UTRN: variants seen among roughly 807,000 people sequenced by gnomAD.
UTRN encodes utrophin.
In UTRN, 283 loss-of-function variants were observed where a neutral mutation model predicts 463.9. The ratio of observed to expected loss-of-function variants is 0.61; its 90% CI spans 0.55 to 0.67. The LOEUF (loss-of-function observed/expected upper bound fraction) is 0.67. UTRN is among the 30% of genes least tolerant of loss of function. UTRN has a pLI of 0.00. For missense variants in UTRN, 3,922 were observed against 4,084.3 expected (o/e 0.96, Z 1.08); for synonymous variants, 1,442 against 1,431.5 (o/e 1.01, Z -0.17).
rs773239701 is a variant in UTRN at position 144,797,831 on chromosome 6, A to C, written c.9086A>C (p.Asn3029Thr). ...TATTTCTTTTTTCACCAGAATAACA[A>C]TAAACCAGAAATAAGTGTGAAAGAG... ...SVRSCFQQNN[N>T]KPEISVKEFI... Residue 3029 changes from asparagine to threonine, a missense_variant, in exon 64 of 75, where the codon AAT (asparagine) becomes ACT (threonine). Physicochemically the swap from Asn to Thr is moderately conservative, Grantham distance 65. Transcript: ENST00000367545. 14 of 1,613,764 alleles carry C rather than the reference A, an allele frequency of 8.7e-6. No individual in the cohort carries two copies. In the East Asian group the frequency reaches 2.0e-4, roughly 23 times the overall value.
intron 48 of UTRN, among the ~76,000 whole-genome samples, chr6:144,553,346 G>C (rs560363345): frequency 6.6e-6 from 1 of 152,182 alleles, no homozygotes; most frequent in African/African-American, 2.4e-5. Context: ...CCAGTTGATA[G>C]CTTTTATGTT....
At chr6:144,508,138 G>A (rs544618548) in intron 34 of UTRN, among the ~76,000 whole-genome samples, 2 of 152,258 alleles carry the variant, frequency 1.3e-5, no homozygotes, top group East Asian at 1.9e-4. Context: ...TCCTGGCAGC[G>A]AGAATTTCCA....
chr6:144,484,942 T>G (rs2128575783), intron 27 of UTRN, among the ~76,000 whole-genome samples: 1 of 152,094 alleles, frequency 6.6e-6, no homozygotes, highest in Non-Finnish European at 1.5e-5. Flanking sequence ...TGAGATGGAG[T>G]CTTGCTCTGT....
intron 63 of UTRN, 26 bp downstream of exon 63, chr6:144,794,017 T>C: frequency 1.2e-6 from 2 of 1,610,458 alleles, no homozygotes; most frequent in Admixed American, 3.3e-5. Flanking sequence ...CACTGGTGTG[T>C]AGGATGTGTT....
At chr6:144,454,349 A>G (rs956739177) in intron 19 of UTRN, among the ~76,000 whole-genome samples, 3 of 152,148 alleles carry the variant, frequency 2.0e-5, no homozygotes, top group East Asian at 1.9e-4. Context: ...TGTTACTTAT[A>G]TATGAAATTT....
rs73598995 is a variant in UTRN, at chr6:144,447,170, T to C, written c.1615-41T>C. 6.5e-3 allele frequency: 10,174 copies of C among 1,564,428 alleles called. 413 individuals carry two copies. In the African/African-American group the frequency reaches 0.1, roughly 15 times the overall value. On this transcript the variant is annotated intron_variant, in intron 14 of 74. Coordinates refer to ENST00000367545, the MANE Select transcript of UTRN (RefSeq NM_007124.3). ...TGCATGATTTAATTGAATTACCAAA[T>C]GATTTTGCAGATAAAGTTCAACTTT...
chr6:144,761,427 G>A (rs1792661095), intron 58 of UTRN, among the ~76,000 whole-genome samples: 1 of 152,066 alleles, frequency 6.6e-6, no homozygotes. Flanking sequence ...GGCTGAGGCG[G>A]GTGGATTGCT....
At chr6:144,464,541 C>T (rs1169077573) in intron 23 of UTRN, among the ~76,000 whole-genome samples, 1 of 151,708 alleles carries the variant, frequency 6.6e-6, no homozygotes, top group Non-Finnish European at 1.5e-5. Context: ...GCTCTGTTGC[C>T]CCAGGCTGGA....
At chr6:144,487,426 G>A (rs1792572552) in intron 28 of UTRN, 122 bp from the exon 29 acceptor site, 1 of 1,025,524 alleles carries the variant, frequency 9.8e-7, no homozygotes, top group Non-Finnish European at 1.3e-6. Flanking sequence ...TTTTGGTCCT[G>A]TTACTTAGGT....
intron 53 of UTRN, among the ~76,000 whole-genome samples, chr6:144,705,087 G>C (rs925289081): frequency 8.5e-5 from 13 of 152,180 alleles, no homozygotes; most frequent in African/African-American, 2.9e-4. Flanking sequence ...TGAGACACAA[G>C]ATCTGTAATG....
At chr6:144,632,765 A>C (rs1440222277) in intron 51 of UTRN, among the ~76,000 whole-genome samples, 1 of 147,336 alleles carries the variant, frequency 6.8e-6, no homozygotes, top group Non-Finnish European at 1.5e-5. Flanking sequence ...CTTGTTGCCT[A>C]GGCTGGAGTG....
chr6:144,504,837 C>T (rs769918379), intron 34 of UTRN, among the ~76,000 whole-genome samples: 47 of 152,296 alleles, frequency 3.1e-4, no homozygotes, highest in South Asian at 2.5e-3. Context: ...AGGAATGGTA[C>T]CAGCTCCTCT....
At chr6:144,833,848 A>C (rs1433129464) in intron 69 of UTRN, among the ~76,000 whole-genome samples, 1 of 152,158 alleles carries the variant, frequency 6.6e-6, no homozygotes, top group African/African-American at 2.4e-5. Flanking sequence ...GGTGTTGGCC[A>C]TTTACTTCCT....
chr6:144,571,958 A>T (rs1358455189), intron 50 of UTRN, among the ~76,000 whole-genome samples: 1 of 151,952 alleles, frequency 6.6e-6, no homozygotes, highest in Admixed American at 6.6e-5. Context: ...CTTTGCTCCT[A>T]GTTTAGAATC....
intron 2 of UTRN, among the ~76,000 whole-genome samples, chr6:144,364,157 G>A (rs953764807): frequency 2.0e-5 from 3 of 152,182 alleles, no homozygotes; most frequent in Non-Finnish European, 2.9e-5. Context: ...TCTCTTCGTG[G>A]ATTTCAATAT....
chr6:144,748,582 G>C (rs1791013853), intron 55 of UTRN, 68 bp downstream of exon 55: 3 of 1,544,814 alleles, frequency 1.9e-6, no homozygotes, highest in Admixed American at 2.0e-5. Context: ...CAAATAAAGA[G>C]AGCCACGTAT....
Position 144,448,619 on chromosome 6 carries a change from A to C in UTRN, c.1922A>C (p.Lys641Thr). 6.2e-7 allele frequency: 1 copy of C among 1,613,916 alleles called. No individual in the cohort carries two copies. Among genetic ancestry groups the C allele is most frequent in the Non-Finnish European group, 8.5e-7 (1 of 1,179,890 alleles). The stretch of plus-strand genomic sequence containing the variant: ...TTTCAGGTGACTCAGGCTGTAGCAA[A>C]GCTGGGGATGTCTCAGATTCCTCAG... ...SSNQVTQAVA[K>T]LGMSQIPQKD... is the part of the protein sequence containing the mutation. Residue 641 changes from lysine (K) to threonine (T), a missense_variant, in exon 17 of 75, where the codon AAG becomes ACG. Lys to Thr is a moderately conservative substitution (Grantham distance 78, BLOSUM62 -1). Coordinates refer to ENST00000367545, the MANE Select transcript of UTRN (RefSeq NM_007124.3).
intron 74 of UTRN, among the ~76,000 whole-genome samples, chr6:144,848,017 G>T (rs537197260): frequency 6.6e-6 from 1 of 152,256 alleles, no homozygotes; most frequent in South Asian, 2.1e-4. Context: ...GGCAAGAGAG[G>T]CTGGGATCTT....
At chr6:144,411,045 C>A (rs572581841) in intron 3 of UTRN, among the ~76,000 whole-genome samples, 6 of 152,274 alleles carry the variant, frequency 3.9e-5, no homozygotes, top group South Asian at 4.1e-4. Flanking sequence ...GTGCAAGCAT[C>A]TTTTTTGTAT....
Sources: gnomAD v4.1 joint callset for allele counts (sites outside exome capture counted in the v4.1 genomes callset) on GRCh38, gnomAD v4.1.1 for gene constraint, MANE v1.5 for transcripts, NCBI Gene and HGNC (gene_info 2026-07-23, HGNC 2026-07-21) for gene names.